NECAB1: variants seen among roughly 807,000 people sequenced by gnomAD.
NECAB1 encodes N-terminal EF-hand calcium binding protein 1, also known as N-terminal EF-hand calcium-binding protein 1.
NECAB1 carries 29 observed loss-of-function variants against 57.5 expected under a neutral mutation model. The ratio of observed to expected loss-of-function variants is 0.50; its 90% confidence interval spans 0.38 to 0.69. The LOEUF (loss-of-function observed/expected upper bound fraction) is 0.69. Among genes scored for constraint, NECAB1 ranks in the 30% least tolerant of loss-of-function variants. The pLI is 0.00. For synonymous variants in NECAB1, 142 were observed against 147.7 expected, an observed-to-expected ratio of 0.96 and a Z score of 0.28; for missense variants, 372 against 413.8, an observed-to-expected ratio of 0.90 and a Z score of 0.88.
At chr8:90,936,503 T>C (rs141852242) in intron 9 of NECAB1, among the ~76,000 whole-genome samples, 2,060 of 152,278 alleles carry the variant, frequency 0.014, 15 homozygotes, top group Non-Finnish European at 0.019. Context: ...TTACCTACCA[T>C]AGCTGAACCC....
rs371534283 is a variant in NECAB1, at chr8:90,940,848, C to T, written c.810C>T (p.Leu270=). The T allele has an allele frequency of 2.2e-5, 34 of 1,563,722 alleles. No homozygotes were observed. Among genetic ancestry groups the T allele is most frequent in the East Asian group, 1.4e-4 (6 of 41,836 alleles). Residue 270 remains leucine, a synonymous_variant, in exon 10 of 13, where the codon CTC becomes CTT. Transcript: ENST00000417640. ...AAGAGGACCTGGAAGAATTCCAGCT[C>T]GCTCTGAAACACTACGTGGAGAGTG... ...VIEEDLEEFQ[L]ALKHYVESAS... is the part of the protein sequence containing the mutation.
chr8:90,959,189 A>C lies in NECAB1; in HGVS notation c.*3677A>C. 3.8e-4 allele frequency: 146 copies of C among 387,726 alleles called. No homozygotes were observed. Among genetic ancestry groups the C allele is most frequent in the Non-Finnish European group, 3.2e-4 (69 of 218,902 alleles). The allele number at this position is 387,726 out of a possible 1,614,324, so 24.0% of individuals were successfully genotyped here. On this transcript the variant is annotated 3_prime_UTR_variant, in exon 13 of 13. Coordinates refer to ENST00000417640, the MANE Select transcript of NECAB1 (RefSeq NM_022351.5). ...AGTAACTAGAACTGTCAAATAACAAAACGGCTCATGTTTTTAAAATATATG... is the reference window on the plus strand; with the variant it reads ...AGTAACTAGAACTGTCAAATAACAACACGGCTCATGTTTTTAAAATATATG...
chr8:90,878,820 A>G (rs1041458497), intron 4 of NECAB1, among the ~76,000 whole-genome samples: 4 of 151,592 alleles, frequency 2.6e-5, no homozygotes, highest in African/African-American at 9.7e-5. Context: ...TTTAAAGTGG[A>G]AAGACAACTT....
At chr8:90,911,072 C>G (rs1809819384) in intron 5 of NECAB1, among the ~76,000 whole-genome samples, 1 of 152,012 alleles carries the variant, frequency 6.6e-6, no homozygotes, top group East Asian at 1.9e-4. Flanking sequence ...TGTGAAGATT[C>G]CAAGGGTTTT....
intron 2 of NECAB1, among the ~76,000 whole-genome samples, chr8:90,809,474 AAGATGAT>A (rs1237355136): frequency 1.3e-5 from 2 of 152,244 alleles, no homozygotes; most frequent in Non-Finnish European, 2.9e-5. Flanking sequence ...ATCAGTGGCA[AAGATGAT>A]AGAGATAAGA....
intron 3 of NECAB1, among the ~76,000 whole-genome samples, chr8:90,836,420 T>C (rs1812371636): frequency 6.6e-6 from 1 of 152,198 alleles, no homozygotes; most frequent in Non-Finnish European, 1.5e-5. Flanking sequence ...CATTCACTAA[T>C]GGGTTTAATA....
At chr8:90,944,478 A>G (rs192150476) in intron 10 of NECAB1, among the ~76,000 whole-genome samples, 1 of 152,364 alleles carries the variant, frequency 6.6e-6, no homozygotes, top group African/African-American at 2.4e-5. Context: ...CAACACATAC[A>G]CACACTATTC....
chr8:90,816,943 G>A (rs1293319632), intron 2 of NECAB1, among the ~76,000 whole-genome samples: 2 of 151,630 alleles, frequency 1.3e-5, no homozygotes, highest in East Asian at 1.9e-4. Flanking sequence ...ACCCATGGAC[G>A]TAGAATATCT....
intron 6 of NECAB1, among the ~76,000 whole-genome samples, chr8:90,922,953 TAGA>T (rs1181030726): frequency 6.6e-6 from 1 of 152,006 alleles, no homozygotes; most frequent in East Asian, 1.9e-4. Flanking sequence ...AAAATAAGAA[TAGA>T]AGAAGAGCCA....
At chr8:90,861,783 C>G (rs1808390785) in intron 3 of NECAB1, among the ~76,000 whole-genome samples, 2 of 152,110 alleles carry the variant, frequency 1.3e-5, no homozygotes, top group African/African-American at 4.8e-5. Context: ...TGTAAGTAAC[C>G]TGCCTAAGAT....
chr8:90,923,498 T>C (rs1166581310), intron 6 of NECAB1, among the ~76,000 whole-genome samples: 2 of 152,188 alleles, frequency 1.3e-5, no homozygotes, highest in African/African-American at 4.8e-5. Flanking sequence ...CAGGCCACTG[T>C]ACAGTGAAGA....
chr8:90,868,715 C>A (rs1808564187), intron 3 of NECAB1, among the ~76,000 whole-genome samples: 1 of 152,144 alleles, frequency 6.6e-6, no homozygotes, highest in Non-Finnish European at 1.5e-5. Context: ...GAAACTGAAA[C>A]TTATATTTAA....
At chr8:90,878,843 G>A (rs1360364791) in intron 4 of NECAB1, among the ~76,000 whole-genome samples, 1 of 150,484 alleles carries the variant, frequency 6.6e-6, no homozygotes, top group East Asian at 1.9e-4. Context: ...ATTCTCTCCA[G>A]GAACCTTTAC....
intron 1 of NECAB1, among the ~76,000 whole-genome samples, chr8:90,795,712 A>T (rs200444310): frequency 0.052 from 3,856 of 74,112 alleles, 104 homozygotes; most frequent in African/African-American, 0.18. Context: ...TCTCTCTCAC[A>T]CACACACACA....
At chr8:90,868,019 TGTGA>T (rs1280071630) in intron 3 of NECAB1, among the ~76,000 whole-genome samples, 1 of 152,160 alleles carries the variant, frequency 6.6e-6, no homozygotes, top group Non-Finnish European at 1.5e-5. Context: ...TTCTTGTGAT[TGTGA>T]GTGAGTTTTC....
intron 3 of NECAB1, among the ~76,000 whole-genome samples, chr8:90,849,763 G>A (rs752690447): frequency 3.8e-4 from 51 of 133,382 alleles, no homozygotes; most frequent in Admixed American, 1.5e-3. Context: ...GCGTGATCTC[G>A]GCTCACCGCA....
intron 3 of NECAB1, among the ~76,000 whole-genome samples, chr8:90,825,857 A>G (rs965778133): frequency 6.6e-6 from 1 of 151,896 alleles, no homozygotes; most frequent in African/African-American, 2.4e-5. Context: ...AACTATACTC[A>G]ACAATAACTC....
At chr8:90,927,085 C>T (rs1810289146) in intron 7 of NECAB1, among the ~76,000 whole-genome samples, 1 of 151,794 alleles carries the variant, frequency 6.6e-6, no homozygotes, top group African/African-American at 2.4e-5. Flanking sequence ...GTGACAGCCA[C>T]CTTAAATTAT....
At chr8:90,875,326 A>C (rs1385027663) in intron 4 of NECAB1, among the ~76,000 whole-genome samples, 3 of 151,006 alleles carry the variant, frequency 2.0e-5, no homozygotes, top group African/African-American at 4.9e-5. Context: ...CTAAAAATAC[A>C]AAAAATTAGC....
Sources: gnomAD v4.1 joint callset for allele counts (sites outside exome capture counted in the v4.1 genomes callset) on GRCh38, gnomAD v4.1.1 for gene constraint, MANE v1.5 for transcripts, NCBI Gene and HGNC (gene_info 2026-07-23, HGNC 2026-07-21) for gene names.